The following JAK1 variants were observed in gnomAD, a reference collection of about 807,000 sequenced individuals.
The protein encoded by JAK1 is tyrosine-protein kinase JAK1.
A neutral mutation model predicts 136.6 loss-of-function variants in JAK1; 16 were observed. The ratio of observed to expected loss-of-function variants is 0.12; its 90% CI spans 0.08 to 0.18. The LOEUF is 0.18. JAK1 is among the 10% of genes least tolerant of loss of function. JAK1 has a pLI of 1.00. For missense variants in JAK1, 859 were observed against 1,450.1 expected, an observed-to-expected ratio of 0.59 and a Z score of 6.62; for synonymous variants, 492 against 519.5, an observed-to-expected ratio of 0.95 and a Z score of 0.72.
intron 4 of JAK1, among the ~76,000 whole-genome samples, chr1:64,878,665 G>A (rs929212478): frequency 2.8e-5 from 4 of 143,234 alleles, no homozygotes; most frequent in African/African-American, 7.8e-5. Context: ...ATCGTCTCCT[G>A]TTTCTTTTTC....
chr1:65,005,344 C>T (rs953313890), intron 2 of JAK1, among the ~76,000 whole-genome samples: 1 of 110,904 alleles, frequency 9.0e-6, no homozygotes, highest in Non-Finnish European at 1.9e-5. Flanking sequence ...AACGCCATCT[C>T]AAAAAAAAAA....
At chr1:65,056,814 C>T (rs1647560257) in intron 1 of JAK1, among the ~76,000 whole-genome samples, 1 of 151,276 alleles carries the variant, frequency 6.6e-6, no homozygotes, top group Admixed American at 6.6e-5. Flanking sequence ...ATCCCAGCTA[C>T]TCGGCAGGCT....
chr1:64,948,507 A>C (rs1646026134), intron 1 of JAK1, among the ~76,000 whole-genome samples: 1 of 152,228 alleles, frequency 6.6e-6, no homozygotes. Context: ...TTGCAAAGAT[A>C]AACTAGCCTT....
rs543842111 is a variant in JAK1, at chr1:65,013,259, T to A, written c.-78+31221A>T. 9.3e-5 allele frequency among the ~76,000 whole-genome samples: 14 copies of A among 151,068 alleles called. No homozygotes were observed. In the South Asian group the frequency reaches 2.9e-3, roughly 32 times the overall value. On this transcript the variant is annotated intron_variant, in intron 2 of 25. Transcript: ENST00000671954. ...AAAAATATAAAAAATTAGCCGGGCG[T>A]GCTGGCATGCACCTGTAATCCCAGC...
intron 1 of JAK1, among the ~76,000 whole-genome samples, chr1:64,897,338 G>A (rs987093491): frequency 1.3e-5 from 2 of 151,166 alleles, no homozygotes; most frequent in Non-Finnish European, 2.9e-5. Context: ...GCTGAGGCAG[G>A]AGAATCGCTT....
At chr1:64,867,272 A>G in intron 6 of JAK1, 64 bp from the exon 7 acceptor site, 1 of 1,245,412 alleles carries the variant, frequency 8.0e-7, no homozygotes. Flanking sequence ...TAGTTTAGAA[A>G]CAAATCTAAG....
rs184315491 is a variant in JAK1, at chr1:65,012,344, G to A, written c.-78+32136C>T. Among the ~76,000 whole-genome samples the A allele has an allele frequency of 3.5e-3, 529 of 152,268 alleles. 1 individual carries two copies. Among genetic ancestry groups the A allele is most frequent in the Non-Finnish European group, 5.7e-3 (385 of 68,010 alleles). On this transcript the variant is annotated intron_variant, in intron 2 of 25. Coordinates refer to the JAK1 transcript ENST00000671954. ...CAACAGAAGACCATAAAGAGCACCC[G>A]TGAGGCCTTAGTGGACACCAGTCCA...
At chr1:64,986,719 G>A (rs1288054598) in intron 2 of JAK1, among the ~76,000 whole-genome samples, 1 of 151,940 alleles carries the variant, frequency 6.6e-6, no homozygotes, top group African/African-American at 2.4e-5. Flanking sequence ...AACAGAGAGA[G>A]ACCGTCTCTA....
At chr1:65,045,168 G>A (rs1647173153) in intron 1 of JAK1, among the ~76,000 whole-genome samples, 1 of 152,202 alleles carries the variant, frequency 6.6e-6, no homozygotes, top group Non-Finnish European at 1.5e-5. Flanking sequence ...ATACAGCTGG[G>A]GAGGAAGAAG....
At chr1:64,854,766 G>A (rs1655815434) in intron 11 of JAK1, among the ~76,000 whole-genome samples, 1 of 151,940 alleles carries the variant, frequency 6.6e-6, no homozygotes, top group Admixed American at 6.6e-5. Context: ...AGCACTCAAG[G>A]CCCCCACACC....
intron 1 of JAK1, chr1:64,941,849 G>A (rs78831135): frequency 0.049 from 7,479 of 152,230 alleles, 399 homozygotes; most frequent in East Asian, 0.26. Flanking sequence ...ACTTTCCAGT[G>A]TTCTCTAGGA....
At chr1:64,858,439 G>A (rs1224244028) in intron 9 of JAK1, among the ~76,000 whole-genome samples, 1 of 152,182 alleles carries the variant, frequency 6.6e-6, no homozygotes. Context: ...TTCTAACTGC[G>A]CCATGCCTTT....
Position 65,018,493 on chromosome 1 carries a change from C to CACACACAA in JAK1, c.-78+25986_-78+25987insTTGTGTGT, listed in dbSNP as rs1557760251. On this transcript the variant is annotated intron_variant, in intron 2 of 25. Coordinates refer to the JAK1 transcript ENST00000671954. ...GAGAGAGAGAGAGAGAGAGAACACACACACACACACACACACACACACACG... is the reference window on the plus strand; with the variant it reads ...GAGAGAGAGAGAGAGAGAGAACACACACACACAAACACACACACACACACACACACACG... 2.1e-3 allele frequency among the ~76,000 whole-genome samples: 304 copies of CACACACAA among 146,296 alleles called. 1 individual carries two copies. The highest frequency in any genetic ancestry group is 7.7e-3 in the African/African-American group (291 of 37,920).
rs1645328697 is a variant in JAK1 at position 64,913,655 on chromosome 1, A to AGAAGGGAGGAAGGAAG, written c.-77-27315_-77-27314insCTTCCTTCCTCCCTTC. ...AGGGAGGAAGGGAGGAAGGAAGGAA[A>AGAAGGGAGGAAGGAAG]GAAGGAAGGAAGGAAGGAAGGAAGG... On this transcript the variant is annotated intron_variant, in intron 1 of 24. Transcript: ENST00000342505. 8.7e-5 allele frequency among the ~76,000 whole-genome samples: 3 copies of AGAAGGGAGGAAGGAAG among 34,484 alleles called. No homozygotes were observed. The East Asian group carries it at 5.4e-3, about 62-fold the overall frequency. 22.6% of individuals were successfully genotyped at this position (34,484 alleles called of 152,430 possible).
At chr1:64,965,830 C>T (rs551637003) in intron 1 of JAK1, among the ~76,000 whole-genome samples, 17 of 152,148 alleles carry the variant, frequency 1.1e-4, no homozygotes, top group African/African-American at 3.9e-4. Flanking sequence ...AACTTTCCCT[C>T]GCTGAGACCG....
rs192275875 is a variant in JAK1 at position 65,056,230 on chromosome 1, C to T, written c.-181+11374G>A. On this transcript the variant is annotated intron_variant, in intron 1 of 25. Transcript: ENST00000671954. ...ACCCCTCTCTCTAATTAATCAAAAA[C>T]GTAGTGTAGCTTATATAGCTTAGAG... 2.0e-3 allele frequency among the ~76,000 whole-genome samples: 312 copies of T among 152,266 alleles called. 2 individuals carry two copies. The highest frequency in any genetic ancestry group is 7.1e-3 in the African/African-American group (296 of 41,546).
Position 64,845,385 on chromosome 1 carries a change from A to G in JAK1, c.2115+128T>C. 3 of 1,052,518 alleles carry G rather than the reference A, an allele frequency of 2.9e-6. No individual in the cohort carries two copies. In the South Asian group the frequency reaches 4.4e-5, roughly 15 times the overall value. 65.2% of individuals were successfully genotyped at this position (1,052,518 alleles called of 1,614,324 possible). A position where few individuals can be genotyped will look rare whatever the true frequency, so the allele number is the denominator to read the frequency against. On this transcript the variant is annotated intron_variant, in intron 15 of 24. Transcript: ENST00000342505. Reference sequence around the variant, plus strand: ...ACCAGGCACACCTTTGTTCAACCACAGAGCCCTGGCCCCATGGAACCCAAG... The same window carrying G: ...ACCAGGCACACCTTTGTTCAACCACGGAGCCCTGGCCCCATGGAACCCAAG...
chr1:64,890,191 A>AAGAC (rs142617779), intron 1 of JAK1, among the ~76,000 whole-genome samples: 176 of 152,340 alleles, frequency 1.2e-3, no homozygotes, highest in African/African-American at 4.1e-3. Context: ...AGCAGGCAGC[A>AAGAC]GTCTTAACGT....
rs768829776 is a variant in JAK1 at position 64,847,571 on chromosome 1, G to A, written c.1860C>T (p.Ile620=). Residue 620 remains isoleucine, a synonymous_variant, in exon 13 of 25, where the codon ATC becomes ATT. Transcript: ENST00000342505. ...GTSEEKKIKV[I]LKVLDPSHRD... ...TGTGGCTGGGGTCTAAGACTTTGAG[G>A]ATCACTTTTATCTTCTTCTCTTCAG... 3.1e-6 allele frequency: 5 copies of A among 1,614,018 alleles called. No individual in the cohort carries two copies. The African/African-American group carries it at 6.7e-5, about 22-fold the overall frequency.
Sources: allele counts gnomAD v4.1 joint callset (sites outside exome capture counted in the v4.1 genomes callset), GRCh38; gene constraint gnomAD v4.1.1; transcripts MANE v1.5; gene names NCBI Gene and HGNC (gene_info 2026-07-23, HGNC 2026-07-21).